CAMK1D: variants seen among roughly 807,000 people sequenced by gnomAD.
CAMK1D encodes calcium/calmodulin-dependent protein kinase type 1D.
A neutral mutation model predicts 47.7 loss-of-function variants in CAMK1D; 9 were observed. That is an observed-to-expected ratio of 0.19 (90% confidence interval 0.11 to 0.33). The LOEUF (loss-of-function observed/expected upper bound fraction) is 0.33. Among genes scored for constraint, CAMK1D ranks in the 10% least tolerant of loss-of-function variants. CAMK1D has a pLI of 1.00. For missense variants in CAMK1D, 291 were observed against 488.7 expected (o/e 0.60, Z 3.81); for synonymous variants, 184 against 184.9 (o/e 0.99, Z 0.04).
chr10:12,416,384 C>T (rs1277127689), intron 1 of CAMK1D, among the ~76,000 whole-genome samples: 1 of 152,152 alleles, frequency 6.6e-6, no homozygotes, highest in Non-Finnish European at 1.5e-5. Context: ...GTATGTAAAA[C>T]TTTGCTTGTT....
intron 2 of CAMK1D, among the ~76,000 whole-genome samples, chr10:12,620,814 T>A (rs934139966): frequency 5.9e-5 from 9 of 152,204 alleles, no homozygotes; most frequent in Non-Finnish European, 1.3e-4. Flanking sequence ...ACAGGATGCT[T>A]TTGGTTTCAG....
At chr10:12,582,604 A>G (rs1226855685) in intron 2 of CAMK1D, among the ~76,000 whole-genome samples, 1 of 152,092 alleles carries the variant, frequency 6.6e-6, no homozygotes, top group Non-Finnish European at 1.5e-5. Context: ...GGTTAGGTAT[A>G]TTACCAAATA....
intron 1 of CAMK1D, among the ~76,000 whole-genome samples, chr10:12,436,429 A>C (rs2132001296): frequency 6.6e-6 from 1 of 152,312 alleles, no homozygotes; most frequent in Non-Finnish European, 1.5e-5. Context: ...CGTCGAAGGA[A>C]ATCTAGGAAG....
At chr10:12,591,959 T>C (rs1455405692) in intron 2 of CAMK1D, among the ~76,000 whole-genome samples, 5 of 152,248 alleles carry the variant, frequency 3.3e-5, no homozygotes, top group Admixed American at 2.6e-4. Context: ...CCCAAAGTGC[T>C]AGGATTACAG....
chr10:12,657,458 A>ATAAATAAATAAATAAC, intron 2 of CAMK1D, among the ~76,000 whole-genome samples: 1 of 151,970 alleles, frequency 6.6e-6, no homozygotes, highest in Non-Finnish European at 1.5e-5. Flanking sequence ...AAATAAATAA[A>ATAAATAAATAAATAAC]AACACCTTTC....
chr10:12,436,024 G>A (rs187327564), intron 1 of CAMK1D, among the ~76,000 whole-genome samples: 10 of 152,338 alleles, frequency 6.6e-5, no homozygotes, highest in Non-Finnish European at 1.3e-4. Context: ...GCTCTGAGCT[G>A]TGATTGCATG....
At position 12,735,194 on chromosome 10, in the gene CAMK1D, C is replaced by T. The variant is rs558686147; in HGVS notation, c.300-25754C>T. Reference sequence around the variant, plus strand: ...ATGTGAGTTTAAGAAACGAAAGTGTCGGCCGGGCGCGGTGGCTCACGCCTG... The same window carrying T: ...ATGTGAGTTTAAGAAACGAAAGTGTTGGCCGGGCGCGGTGGCTCACGCCTG... On this transcript the variant is annotated intron_variant, in intron 3 of 10. Transcript: ENST00000619168. Among the ~76,000 whole-genome samples the T allele has an allele frequency of 2.6e-5, 4 of 152,206 alleles. No homozygotes were observed. In the East Asian group the frequency reaches 7.7e-4, roughly 29 times the overall value.
At chr10:12,606,869 C>A (rs1367775631) in intron 2 of CAMK1D, among the ~76,000 whole-genome samples, 1 of 151,998 alleles carries the variant, frequency 6.6e-6, no homozygotes, top group East Asian at 1.9e-4. Context: ...CGCTCTGTCA[C>A]CGGGCTGGAG....
chr10:12,792,767 G>C (rs758345228), intron 6 of CAMK1D, among the ~76,000 whole-genome samples: 3 of 152,204 alleles, frequency 2.0e-5, no homozygotes, highest in Admixed American at 1.3e-4. Flanking sequence ...AAGGACTCTC[G>C]TTTATGGAAA....
intron 1 of CAMK1D, among the ~76,000 whole-genome samples, chr10:12,360,599 G>A (rs182529486): frequency 6.6e-6 from 1 of 152,298 alleles, no homozygotes; most frequent in African/African-American, 2.4e-5. Context: ...CTATGTAAGT[G>A]ATTTTAAGGA....
At chr10:12,406,281 T>A (rs539595768) in intron 1 of CAMK1D, among the ~76,000 whole-genome samples, 1 of 152,198 alleles carries the variant, frequency 6.6e-6, no homozygotes, top group African/African-American at 2.4e-5. Flanking sequence ...GCTCCCTCCC[T>A]GGTTCAGGAC....
intron 3 of CAMK1D, among the ~76,000 whole-genome samples, chr10:12,746,256 C>G (rs912967382): frequency 1.3e-5 from 2 of 150,400 alleles, no homozygotes; most frequent in Non-Finnish European, 2.9e-5. Flanking sequence ...CCCAGCTACT[C>G]GGGAGGCTGA....
chr10:12,437,123 C>G (rs1195922005), intron 1 of CAMK1D, among the ~76,000 whole-genome samples: 1 of 113,300 alleles, frequency 8.8e-6, no homozygotes, highest in African/African-American at 3.0e-5. Flanking sequence ...ATTTTTTTTT[C>G]TTAAACAGAC....
chr10:12,445,877 C>A (rs1469265541), intron 1 of CAMK1D, among the ~76,000 whole-genome samples: 1 of 152,112 alleles, frequency 6.6e-6, no homozygotes, highest in Non-Finnish European at 1.5e-5. Context: ...GTGAGGTCAT[C>A]ATAGCAGATA....
intron 3 of CAMK1D, among the ~76,000 whole-genome samples, chr10:12,671,869 G>T (rs1325869173): frequency 7.2e-6 from 1 of 139,784 alleles, no homozygotes. Flanking sequence ...TTCTTTTGTT[G>T]CTTATGTTTT....
intron 2 of CAMK1D, among the ~76,000 whole-genome samples, chr10:12,597,320 T>G (rs185011274): frequency 6.6e-6 from 1 of 152,194 alleles, no homozygotes; most frequent in South Asian, 2.1e-4. Flanking sequence ...ATAATGTTTG[T>G]GCTTAGGAAA....
intron 2 of CAMK1D, among the ~76,000 whole-genome samples, chr10:12,666,487 A>G (rs973854611): frequency 6.6e-6 from 1 of 152,212 alleles, no homozygotes; most frequent in African/African-American, 2.4e-5. Context: ...ACATGAAGCA[A>G]CAATTGTTAA....
chr10:12,754,178 A>G (rs1302634918), intron 3 of CAMK1D, among the ~76,000 whole-genome samples: 2 of 152,104 alleles, frequency 1.3e-5, no homozygotes, highest in Non-Finnish European at 2.9e-5. Flanking sequence ...GGTGTGAGCC[A>G]CCACGCCCAG....
chr10:12,355,035 G>T (rs1396764138), intron 1 of CAMK1D, among the ~76,000 whole-genome samples: 1 of 151,402 alleles, frequency 6.6e-6, no homozygotes, highest in East Asian at 1.9e-4. Context: ...TAGAGACAGA[G>T]TTTTGCTGTG....
Sources: allele counts gnomAD v4.1 joint callset (sites outside exome capture counted in the v4.1 genomes callset), GRCh38; gene constraint gnomAD v4.1.1; transcripts MANE v1.5; gene names NCBI Gene and HGNC (gene_info 2026-07-23, HGNC 2026-07-21).